MAST4: variants seen among roughly 807,000 people sequenced by gnomAD.
The protein encoded by MAST4 is microtubule-associated serine/threonine-protein kinase 4.
Under a neutral mutation model 162.7 loss-of-function variants are expected in MAST4, and 89 were observed. The ratio of observed to expected loss-of-function variants is 0.55; its 90% CI spans 0.46 to 0.65. The LOEUF (loss-of-function observed/expected upper bound fraction) is 0.65. Among genes scored for constraint, MAST4 ranks in the 30% least tolerant of loss-of-function variants. The pLI is 0.00. For synonymous variants in MAST4, 1,479 were observed against 1,361.1 expected, an observed-to-expected ratio of 1.09 and a Z score of -1.91; for missense variants, 3,153 against 3,374.0, an observed-to-expected ratio of 0.93 and a Z score of 1.62.
At chr5:66,673,469 C>T (rs554650641) in intron 1 of MAST4, among the ~76,000 whole-genome samples, 45 of 150,804 alleles carry the variant, frequency 3.0e-4, no homozygotes, top group Non-Finnish European at 6.0e-4. Flanking sequence ...TGAAACATAA[C>T]TTGCTATATA....
chr5:67,054,385 T>C lies in MAST4; in HGVS notation c.675-19T>C, dbSNP rs1384633872. On this transcript the variant is annotated intron_variant, in intron 4 of 28. Coordinates refer to ENST00000403625, the MANE Select transcript of MAST4 (RefSeq NM_001164664.2). ...TGCTATATTCTTTTTAAACTTTGTT[T>C]TTTCTTTCTTTTTGATAGTTGCCGA... 1 of 1,578,990 alleles carries C rather than the reference T, an allele frequency of 6.3e-7. No homozygotes were observed. Among genetic ancestry groups the C allele is most frequent in the Non-Finnish European group, 8.6e-7 (1 of 1,162,556 alleles).
At chr5:67,024,513 C>A (rs1359303414) in intron 4 of MAST4, among the ~76,000 whole-genome samples, 1 of 151,500 alleles carries the variant, frequency 6.6e-6, no homozygotes, top group Non-Finnish European at 1.5e-5. Flanking sequence ...ATTCAAAAGA[C>A]TTTCAAATCT....
intron 19 of MAST4, among the ~76,000 whole-genome samples, chr5:67,137,898 A>G (rs979235365): frequency 4.6e-5 from 7 of 152,230 alleles, no homozygotes; most frequent in African/African-American, 7.2e-5. Context: ...TTTACACAAA[A>G]GCTTTCCAGA....
chr5:66,843,425 T>G (rs1267698313), intron 3 of MAST4, among the ~76,000 whole-genome samples: 3 of 152,176 alleles, frequency 2.0e-5, no homozygotes, highest in African/African-American at 7.2e-5. Context: ...TTCAGAATCC[T>G]TTTTTTCTCT....
intron 1 of MAST4, among the ~76,000 whole-genome samples, chr5:66,664,021 C>T (rs780156729): frequency 8.6e-5 from 13 of 152,034 alleles, no homozygotes; most frequent in Non-Finnish European, 1.6e-4. Flanking sequence ...TTCAAAGATT[C>T]GCTGATGGAC....
At chr5:66,933,917 C>G (rs948291984) in intron 4 of MAST4, among the ~76,000 whole-genome samples, 12 of 151,986 alleles carry the variant, frequency 7.9e-5, no homozygotes, top group African/African-American at 2.7e-4. Flanking sequence ...GTGTTGAACT[C>G]CTGGCTTCAA....
chr5:66,608,049 T>G (rs1743008627), intron 1 of MAST4, among the ~76,000 whole-genome samples: 1 of 149,468 alleles, frequency 6.7e-6, no homozygotes, highest in African/African-American at 2.4e-5. Flanking sequence ...TCACCTCACA[T>G]GCTTACTTTT....
At chr5:67,110,259 C>G (rs1581595127) in intron 11 of MAST4, 60 bp downstream of exon 11, 2 of 1,205,252 alleles carry the variant, frequency 1.7e-6, no homozygotes, top group Non-Finnish European at 2.5e-6. Flanking sequence ...CAGTTACCAT[C>G]AGAAAGCTCC....
intron 4 of MAST4, chr5:67,001,630 C>G (rs1490741865): frequency 2.6e-5 from 4 of 152,124 alleles, no homozygotes; most frequent in Non-Finnish European, 1.5e-5. Flanking sequence ...CATTTTATGT[C>G]ATTGATTTAT....
intron 1 of MAST4, among the ~76,000 whole-genome samples, chr5:66,655,785 T>G (rs778804618): frequency 6.6e-6 from 1 of 152,208 alleles, no homozygotes; most frequent in Non-Finnish European, 1.5e-5. Context: ...ATTCATACTG[T>G]GGAAATTGCC....
Position 66,876,957 on chromosome 5 carries a change from T to A in MAST4, c.643-22994T>A, listed in dbSNP as rs564692102. Among the ~76,000 whole-genome samples, 144 of 152,342 alleles carry A rather than the reference T, an allele frequency of 9.5e-4. 5 individuals carry two copies. The South Asian group carries it at 0.029, about 30-fold the overall frequency. The stretch of plus-strand genomic sequence containing the variant: ...AGCTTAAAAAATCAATTCTGCAGTA[T>A]CATACTTTTAATGTCAATCAATTAA... On this transcript the variant is annotated intron_variant, in intron 3 of 28. Transcript: ENST00000403625.
intron 3 of MAST4, chr5:66,789,875 T>C (rs1321290561): frequency 2.3e-6 from 1 of 441,586 alleles, no homozygotes; most frequent in Non-Finnish European, 4.5e-6. Flanking sequence ...AAAATGGTGA[T>C]TTTTCCAACT....
chr5:66,640,187 C>A (rs893227302), intron 1 of MAST4, among the ~76,000 whole-genome samples: 3 of 152,084 alleles, frequency 2.0e-5, no homozygotes, highest in African/African-American at 7.2e-5. Context: ...CTGTGTCTGG[C>A]TTTCTTCATT....
At chr5:67,131,610 T>C (rs898499468) in intron 15 of MAST4, among the ~76,000 whole-genome samples, 5 of 152,222 alleles carry the variant, frequency 3.3e-5, no homozygotes, top group African/African-American at 1.2e-4. Context: ...TTATGAATAC[T>C]ACTTCTTAAA....
At chr5:67,101,594 T>C (rs917767484) in intron 8 of MAST4, among the ~76,000 whole-genome samples, 1 of 152,228 alleles carries the variant, frequency 6.6e-6, no homozygotes, top group Admixed American at 6.5e-5. Flanking sequence ...GGTTTTATTA[T>C]ATTAAAAAAT....
chr5:66,753,529 G>A (rs927907751), intron 1 of MAST4, among the ~76,000 whole-genome samples: 3 of 151,698 alleles, frequency 2.0e-5, no homozygotes, highest in South Asian at 2.1e-4. Flanking sequence ...ACACCTCGAC[G>A]CAAATAAACT....
chr5:66,782,184 G>A (rs1368372249), intron 2 of MAST4, among the ~76,000 whole-genome samples: 1 of 151,892 alleles, frequency 6.6e-6, no homozygotes, highest in East Asian at 1.9e-4. Context: ...AGCTACTCGG[G>A]AGGCTGAGGC....
rs1411204267 is a variant in MAST4, at chr5:67,166,965, T to C, written c.7786T>C (p.Ser2596Pro). Reference protein sequence around the residue: ...SPAPNTDRPISLSNEKDFVVR... With the variant: ...SPAPNTDRPIPLSNEKDFVVR... ...AGCCCCAAACACTGACCGCCCCATCTCTCTTTCTAATGAGAAGGACTTTGT... is the reference window on the plus strand; with the variant it reads ...AGCCCCAAACACTGACCGCCCCATCCCTCTTTCTAATGAGAAGGACTTTGT... Residue 2596 changes from serine to proline, a missense_variant, in exon 29 of 29, where the codon TCT (serine) becomes CCT (proline). Physicochemically the swap from Ser to Pro is moderately conservative, Grantham distance 74 (BLOSUM62 -1). This residue lies in a region of MAST4 where 1,644 missense variants were observed against 1,495.0 expected (regional missense o/e 1.10). Transcript: ENST00000403625. 10 of 1,612,034 alleles carry C rather than the reference T, an allele frequency of 6.2e-6. No individual in the cohort carries two copies. The highest frequency in any genetic ancestry group is 8.5e-6 in the Non-Finnish European group (10 of 1,179,600).
intron 4 of MAST4, among the ~76,000 whole-genome samples, chr5:66,937,210 C>T (rs1742840536): frequency 6.6e-6 from 1 of 152,168 alleles, no homozygotes; most frequent in Non-Finnish European, 1.5e-5. Context: ...TGGGGAGGTA[C>T]AGTGAACAGG....
Sources: allele counts gnomAD v4.1 joint callset (sites outside exome capture counted in the v4.1 genomes callset), GRCh38; gene constraint gnomAD v4.1.1; regional missense constraint gnomAD v4.1.1; transcripts MANE v1.5; gene names NCBI Gene and HGNC (gene_info 2026-07-23, HGNC 2026-07-21).